Variants in AFG1L observed in about 807,000 individuals in gnomAD.
AFG1L encodes the protein AFG1-like ATPase.
AFG1L carries 53 observed loss-of-function variants against 62.2 expected under a neutral mutation model. That is an observed-to-expected ratio of 0.85 (90% CI 0.68 to 1.07). AFG1L has a LOEUF of 1.07. AFG1L is among the 50% of genes least tolerant of loss of function. AFG1L has a pLI of 0.00. For synonymous variants in AFG1L, 228 were observed against 210.3 expected (o/e 1.08, Z -0.73); for missense variants, 555 against 590.5 (o/e 0.94, Z 0.62).
At chr6:108,422,477 C>CAAAAAAAAAAAAAAAAAAAAA (rs539232525) in intron 7 of AFG1L, among the ~76,000 whole-genome samples, 636 of 45,730 alleles carry the variant, frequency 0.014, 119 homozygotes, top group African/African-American at 0.02. Flanking sequence ...TAGTCCTCAG[C>CAAAAAAAAAAAAAAAAAAAAA]AAAAAAAAAA....
At chr6:108,347,113 T>C in intron 3 of AFG1L, 74 bp downstream of exon 3, 1 of 1,228,422 alleles carries the variant, frequency 8.1e-7, no homozygotes, top group Non-Finnish European at 1.2e-6. Flanking sequence ...ATGATTTCTA[T>C]TTCTATCCCT....
intron 8 of AFG1L, among the ~76,000 whole-genome samples, chr6:108,467,040 A>G (rs1034292997): frequency 2.0e-5 from 3 of 152,050 alleles, no homozygotes; most frequent in Non-Finnish European, 4.4e-5. Context: ...ATATGAAGCA[A>G]TATGTACTTA....
chr6:108,477,331 A>C (rs1479582426), intron 10 of AFG1L, 39 bp downstream of exon 10: 2 of 1,227,754 alleles, frequency 1.6e-6, no homozygotes, highest in East Asian at 2.4e-5. Context: ...TGGCCTTTTC[A>C]CATGTTAAAA....
chr6:108,303,627 T>C (rs1777092776), intron 1 of AFG1L, among the ~76,000 whole-genome samples: 1 of 152,188 alleles, frequency 6.6e-6, no homozygotes, highest in African/African-American at 2.4e-5. Flanking sequence ...GAAGCTACTC[T>C]ATGAACATGT....
chr6:108,348,200 T>C (rs923359448), intron 3 of AFG1L, among the ~76,000 whole-genome samples: 2 of 152,164 alleles, frequency 1.3e-5, no homozygotes, highest in African/African-American at 2.4e-5. Context: ...TGCCTCAGCC[T>C]CCCAAGTAGC....
chr6:108,337,421 T>C (rs898308402), intron 2 of AFG1L, among the ~76,000 whole-genome samples: 2 of 152,226 alleles, frequency 1.3e-5, no homozygotes, highest in African/African-American at 4.8e-5. Context: ...CTGTGTGTTT[T>C]ATTATTTGTG....
At chr6:108,454,010 G>A (rs1486867092) in intron 8 of AFG1L, among the ~76,000 whole-genome samples, 1 of 152,114 alleles carries the variant, frequency 6.6e-6, no homozygotes, top group South Asian at 2.1e-4. Flanking sequence ...GTTTCAATAC[G>A]TTGTGCTAGA....
chr6:108,439,606 A>G (rs1771454251), intron 7 of AFG1L, among the ~76,000 whole-genome samples: 2 of 152,218 alleles, frequency 1.3e-5, no homozygotes, highest in African/African-American at 4.8e-5. Context: ...TCTGGGGAGT[A>G]GAAGGTGATA....
At chr6:108,501,195 A>G (rs13193021) in intron 10 of AFG1L, among the ~76,000 whole-genome samples, 2 of 152,092 alleles carry the variant, frequency 1.3e-5, no homozygotes, top group African/African-American at 2.4e-5. Context: ...GGGTTTCACC[A>G]TGTTGGCCAG....
At chr6:108,421,206 T>G (rs1241447094) in intron 7 of AFG1L, among the ~76,000 whole-genome samples, 1 of 152,136 alleles carries the variant, frequency 6.6e-6, no homozygotes, top group Admixed American at 6.6e-5. Flanking sequence ...TGAAGAGATG[T>G]GAGGAATTTG....
intron 3 of AFG1L, among the ~76,000 whole-genome samples, chr6:108,351,569 C>T (rs1010117859): frequency 4.6e-5 from 7 of 152,102 alleles, no homozygotes; most frequent in Non-Finnish European, 1.0e-4. Flanking sequence ...TTTTTGCTGC[C>T]TCCTTGCACC....
chr6:108,317,399 G>A (rs913151760), intron 1 of AFG1L, among the ~76,000 whole-genome samples: 1 of 152,122 alleles, frequency 6.6e-6, no homozygotes, highest in Non-Finnish European at 1.5e-5. Flanking sequence ...TGTGGAAATC[G>A]ATCCTCATGC....
chr6:108,370,947 A>G (rs147336930), intron 6 of AFG1L, among the ~76,000 whole-genome samples: 3 of 152,282 alleles, frequency 2.0e-5, no homozygotes, highest in Non-Finnish European at 4.4e-5. Flanking sequence ...AAGAGAGTAA[A>G]TAGCTGTGGA....
At chr6:108,461,835 A>G (rs983418598) in intron 8 of AFG1L, among the ~76,000 whole-genome samples, 18 of 152,214 alleles carry the variant, frequency 1.2e-4, no homozygotes, top group African/African-American at 4.1e-4. Context: ...TGGCTCACAC[A>G]TGTAATCCCA....
intron 6 of AFG1L, among the ~76,000 whole-genome samples, chr6:108,369,522 G>A (rs762942793): frequency 1.3e-5 from 2 of 151,748 alleles, no homozygotes; most frequent in African/African-American, 4.8e-5. Flanking sequence ...TCAAAGTACT[G>A]TATTAAAAAA....
At chr6:108,448,939 C>G (rs1771930011) in intron 8 of AFG1L, among the ~76,000 whole-genome samples, 1 of 151,756 alleles carries the variant, frequency 6.6e-6, no homozygotes, top group Admixed American at 6.6e-5. Flanking sequence ...CACTTGAGCC[C>G]AGGAGTTTGA....
intron 6 of AFG1L, among the ~76,000 whole-genome samples, chr6:108,382,737 A>G (rs1325892409): frequency 1.3e-5 from 2 of 152,232 alleles, no homozygotes; most frequent in African/African-American, 4.8e-5. Context: ...CCAGGATGAC[A>G]ATGATTACTT....
At chr6:108,327,640 C>T (rs930217828) in intron 2 of AFG1L, among the ~76,000 whole-genome samples, 1 of 152,214 alleles carries the variant, frequency 6.6e-6, no homozygotes, top group Non-Finnish European at 1.5e-5. Context: ...AAGGTCCTAC[C>T]TCCTAAGAGC....
intron 2 of AFG1L, among the ~76,000 whole-genome samples, chr6:108,333,229 G>T (rs977290165): frequency 3.3e-5 from 5 of 151,896 alleles, no homozygotes; most frequent in African/African-American, 4.8e-5. Context: ...GGCCAACATG[G>T]TGAAACCCCG....
Sources: gnomAD v4.1 joint callset for allele counts (sites outside exome capture counted in the v4.1 genomes callset) on GRCh38, gnomAD v4.1.1 for gene constraint, MANE v1.5 for transcripts, NCBI Gene and HGNC (gene_info 2026-07-23, HGNC 2026-07-21) for gene names.